The following WARS1 variants were observed in gnomAD, a reference collection of about 807,000 sequenced individuals.
WARS1 encodes the protein tryptophanyl-tRNA synthetase 1.
Under a neutral mutation model 47.8 loss-of-function variants are expected in WARS1, and 17 were observed. The ratio of observed to expected loss-of-function variants is 0.36; its 90% CI spans 0.24 to 0.53. The LOEUF (loss-of-function observed/expected upper bound fraction) is 0.53. WARS1 is among the 20% of genes least tolerant of loss of function. The pLI, the probability that WARS1 is intolerant of heterozygous loss-of-function variation, is 0.91. For synonymous variants in WARS1, 208 were observed against 228.1 expected (o/e 0.91, Z 0.79); for missense variants, 434 against 608.0 (o/e 0.71, Z 3.01).
chr14:100,337,507 TGA>T (rs1007286802), intron 9 of WARS1, among the ~76,000 whole-genome samples: 1 of 151,974 alleles, frequency 6.6e-6, no homozygotes, highest in African/African-American at 2.4e-5. Context: ...AGGCACTGAT[TGA>T]ACTGAAACCT....
intron 4 of WARS1, among the ~76,000 whole-genome samples, chr14:100,355,532 T>G (rs1472156697): frequency 6.6e-6 from 1 of 152,152 alleles, no homozygotes; most frequent in East Asian, 1.9e-4. Flanking sequence ...GGAATTTGTA[T>G]TTTTAAAAAG....
At chr14:100,348,142 G>T (rs1044999499) in intron 6 of WARS1, among the ~76,000 whole-genome samples, 46 of 152,308 alleles carry the variant, frequency 3.0e-4, no homozygotes, top group Non-Finnish European at 3.7e-4. Context: ...TGAGTACAGG[G>T]GCTGGGATCC....
At chr14:100,371,351 G>A (rs1171891349) in intron 1 of WARS1, among the ~76,000 whole-genome samples, 1 of 151,418 alleles carries the variant, frequency 6.6e-6, no homozygotes, top group African/African-American at 2.4e-5. Flanking sequence ...CTGGGAGGCT[G>A]AGGTGGGAGA....
intron 9 of WARS1, among the ~76,000 whole-genome samples, chr14:100,339,640 T>C (rs12882639): frequency 0.36 from 52,640 of 146,694 alleles, 11,601 homozygotes; most frequent in South Asian, 0.67. Context: ...TGAAAAACTA[T>C]GGAAAATACC....
chr14:100,356,396 T>TTG (rs772938654), intron 4 of WARS1, among the ~76,000 whole-genome samples: 2 of 98,824 alleles, frequency 2.0e-5, no homozygotes, highest in East Asian at 2.8e-4. Flanking sequence ...TGTGTGTGTG[T>TTG]GTGGGGGGGG....
intron 9 of WARS1, 190 bp downstream of exon 9, chr14:100,342,208 T>C: frequency 1.4e-6 from 1 of 726,378 alleles, no homozygotes; most frequent in Non-Finnish European, 2.4e-6. Flanking sequence ...CAAATTCACC[T>C]GATTCATGTG....
rs1356575245 is a variant in WARS1 at position 100,333,871 on chromosome 14, G to A, written c.*1004C>T. 1 of 152,680 alleles carries A rather than the reference G, an allele frequency of 6.5e-6. No homozygotes were observed. Among genetic ancestry groups the A allele is most frequent in the Admixed American group, 6.5e-5 (1 of 15,284 alleles). The allele number at this position is 152,680 out of a possible 1,614,324, so 9.5% of individuals were successfully genotyped here. A position where few individuals can be genotyped will look rare whatever the true frequency, so the allele number is the denominator to read the frequency against. On this transcript the variant is annotated 3_prime_UTR_variant, in exon 11 of 11. Coordinates refer to ENST00000392882, the MANE Select transcript of WARS1 (RefSeq NM_004184.4). ...GAGGAGACCCAGATACATCAACCAA[G>A]GACTTCCCTGAGATTTGGCTTTGCT...
At chr14:100,354,707 G>C in intron 4 of WARS1, 141 bp from the exon 5 acceptor site, 1 of 1,005,678 alleles carries the variant, frequency 9.9e-7, no homozygotes, top group Non-Finnish European at 1.4e-6. Context: ...TGGTGCTTAT[G>C]ATATAAATAT....
intron 1 of WARS1, among the ~76,000 whole-genome samples, chr14:100,372,045 C>T (rs1896383560): frequency 1.3e-5 from 2 of 152,162 alleles, no homozygotes; most frequent in Admixed American, 1.3e-4. Flanking sequence ...TCAAAAGCTC[C>T]CCTGCTGATC....
rs1259796776 is a variant in WARS1 at position 100,334,092 on chromosome 14, C to T, written c.*783G>A. 2.0e-5 allele frequency: 3 copies of T among 152,652 alleles called. No individual in the cohort carries two copies. Among genetic ancestry groups the T allele is most frequent in the East Asian group, 1.9e-4 (1 of 5,196 alleles). 9.5% of individuals were successfully genotyped at this position (152,652 alleles called of 1,614,324 possible). A position where few individuals can be genotyped will look rare whatever the true frequency, so the allele number is the denominator to read the frequency against. On this transcript the variant is annotated 3_prime_UTR_variant, in exon 11 of 11. Coordinates refer to ENST00000392882, the MANE Select transcript of WARS1 (RefSeq NM_004184.4). The stretch of plus-strand genomic sequence containing the variant: ...ATCTGCGGAGGCCAGGACTCCTTGG[C>T]ATCGGACACAGTCAGGGGAAAAGCC...
chr14:100,342,055 T>C (rs1894197079), intron 9 of WARS1: 1 of 324,414 alleles, frequency 3.1e-6, no homozygotes, highest in Non-Finnish European at 6.1e-6. Flanking sequence ...ACAAATCTTT[T>C]CCATTATTTA....
chr14:100,363,043 T>C (rs1255365232), intron 2 of WARS1, among the ~76,000 whole-genome samples: 2 of 152,214 alleles, frequency 1.3e-5, no homozygotes, highest in African/African-American at 4.8e-5. Context: ...CCAGGTTAGA[T>C]AGTTAAGTAT....
At chr14:100,339,178 G>A (rs1417045849) in intron 9 of WARS1, among the ~76,000 whole-genome samples, 1 of 151,948 alleles carries the variant, frequency 6.6e-6, no homozygotes, top group Non-Finnish European at 1.5e-5. Context: ...AACTAGATAA[G>A]TTGGGATTGT....
At chr14:100,355,346 G>A (rs1002091630) in intron 4 of WARS1, among the ~76,000 whole-genome samples, 13 of 151,962 alleles carry the variant, frequency 8.6e-5, no homozygotes, top group Non-Finnish European at 1.5e-4. Flanking sequence ...TCAGCCTCCC[G>A]AGTAGCTGGG....
intron 7 of WARS1, among the ~76,000 whole-genome samples, chr14:100,345,090 G>A (rs1894495998): frequency 2.0e-5 from 3 of 148,644 alleles, no homozygotes; most frequent in Admixed American, 6.6e-5. Context: ...CCGTCCGGGA[G>A]GTGAGGGGCG....
At chr14:100,354,083 T>C in intron 5 of WARS1, 1 of 548,006 alleles carries the variant, frequency 1.8e-6, no homozygotes, top group Non-Finnish European at 3.2e-6. Context: ...CTGTGTTAGC[T>C]GCTCTACACA....
In WARS1 at chr14:100,337,044, T is replaced by C; in HGVS notation, c.1254+18A>G. 7 of 1,608,250 alleles carry C rather than the reference T, an allele frequency of 4.4e-6. No homozygotes were observed. The highest frequency in any genetic ancestry group is 6.0e-6 in the Non-Finnish European group (7 of 1,175,052). ...GGTGGCAGAAGGCGGCTGTGGGCCC[T>C]TGGGGTTCCCTGCTCACCTTCCTGA... On this transcript the variant is annotated intron_variant, in intron 10 of 10. Transcript: ENST00000392882.
At chr14:100,348,084 C>G (rs1331882060) in intron 6 of WARS1, among the ~76,000 whole-genome samples, 1 of 152,204 alleles carries the variant, frequency 6.6e-6, no homozygotes, top group Non-Finnish European at 1.5e-5. Context: ...CTCCACCTTA[C>G]AGTTAGACTA....
At chr14:100,350,299 T>C (rs1320738450) in intron 6 of WARS1, among the ~76,000 whole-genome samples, 4 of 146,010 alleles carry the variant, frequency 2.7e-5, no homozygotes, top group African/African-American at 7.6e-5. Context: ...GGCTGAGGCA[T>C]GAGAATTGCT....
Sources: gnomAD v4.1 joint callset for allele counts (sites outside exome capture counted in the v4.1 genomes callset) on GRCh38, gnomAD v4.1.1 for gene constraint, MANE v1.5 for transcripts, NCBI Gene and HGNC (gene_info 2026-07-23, HGNC 2026-07-21) for gene names.